CSMD3: variants seen among roughly 807,000 people sequenced by gnomAD.
CSMD3 encodes CUB and Sushi multiple domains 3.
CSMD3 carries 177 observed loss-of-function variants against 435.2 expected under a neutral mutation model. The observed-to-expected ratio is 0.41, with a 90% confidence interval of 0.36 to 0.46. The LOEUF (loss-of-function observed/expected upper bound fraction) is 0.46. Among genes scored for constraint, CSMD3 ranks in the 20% least tolerant of loss-of-function variants. CSMD3 has a pLI of 0.34. For missense variants in CSMD3, 4,265 were observed against 4,504.6 expected, an observed-to-expected ratio of 0.95 and a Z score of 1.52; for synonymous variants, 1,656 against 1,520.5, an observed-to-expected ratio of 1.09 and a Z score of -2.07.
At chr8:112,251,548 G>T (rs945997363) in intron 63 of CSMD3, among the ~76,000 whole-genome samples, 1 of 151,136 alleles carries the variant, frequency 6.6e-6, no homozygotes. Context: ...TATCATTTAA[G>T]GTAATAAAAC....
chr8:112,798,165 G>C (rs1223461790), intron 13 of CSMD3, among the ~76,000 whole-genome samples: 1 of 151,866 alleles, frequency 6.6e-6, no homozygotes, highest in Non-Finnish European at 1.5e-5. Flanking sequence ...GAGCGAGAAG[G>C]TGCTAAGTTA....
chr8:113,318,786 A>ATGTGTGTGTGTGTGTG (rs56269027), intron 1 of CSMD3, among the ~76,000 whole-genome samples: 2,801 of 140,062 alleles, frequency 0.02, 37 homozygotes, highest in Middle Eastern at 0.052. Context: ...GCTGAATAAG[A>ATGTGTGTGTGTGTGTG]TGTGTGTGTG....
chr8:112,893,382 A>G (rs1232244072), intron 10 of CSMD3, among the ~76,000 whole-genome samples: 2 of 151,454 alleles, frequency 1.3e-5, no homozygotes, highest in African/African-American at 4.8e-5. Flanking sequence ...ACAGGTTCCA[A>G]TCTCAGAGTT....
In CSMD3 at chr8:113,369,855, G is replaced by T. The variant is rs188851891; in HGVS notation, c.179-55062C>A. Among the ~76,000 whole-genome samples the T allele has an allele frequency of 1.0e-3, 152 of 151,922 alleles. 2 individuals carry two copies. The highest frequency in any genetic ancestry group is 3.4e-3 in the African/African-American group (143 of 41,522). On this transcript the variant is annotated intron_variant, in intron 1 of 70. Coordinates refer to ENST00000297405, the MANE Select transcript of CSMD3 (RefSeq NM_198123.2). Reference sequence around the variant, plus strand: ...TCTCTCACATGTAGAATCAAAAAAAGTTAATCTCATAGAAATAGAGAGTAG... The same window carrying T: ...TCTCTCACATGTAGAATCAAAAAAATTTAATCTCATAGAAATAGAGAGTAG...
At chr8:112,458,583 A>G (rs138681216) in intron 32 of CSMD3, among the ~76,000 whole-genome samples, 1 of 152,256 alleles carries the variant, frequency 6.6e-6, no homozygotes, top group East Asian at 1.9e-4. Context: ...TCCAAGGAGT[A>G]GTTATTTCCA....
At chr8:112,348,755 T>G (rs534711379) in intron 40 of CSMD3, among the ~76,000 whole-genome samples, 1 of 151,992 alleles carries the variant, frequency 6.6e-6, no homozygotes, top group Non-Finnish European at 1.5e-5. Flanking sequence ...AATTATATAA[T>G]AAAACAATTT....
chr8:113,153,101 A>AAAGGAAAG (rs35085690), intron 4 of CSMD3, among the ~76,000 whole-genome samples: 1 of 99,994 alleles, frequency 1.0e-5, no homozygotes, highest in African/African-American at 4.7e-5. Flanking sequence ...AGAAAGAAAG[A>AAAGGAAAG]AAAGAAAGAA....
chr8:113,023,017 T>G (rs577833845), intron 5 of CSMD3, among the ~76,000 whole-genome samples: 1 of 152,048 alleles, frequency 6.6e-6, no homozygotes, highest in African/African-American at 2.4e-5. Flanking sequence ...TTTTAAGAAT[T>G]AGTTAAACAT....
chr8:112,597,774 T>G (rs1218539288), intron 22 of CSMD3, among the ~76,000 whole-genome samples: 1 of 125,714 alleles, frequency 8.0e-6, no homozygotes, highest in East Asian at 2.2e-4. Context: ...AACCACATGA[T>G]TATCTCAATA....
intron 38 of CSMD3, among the ~76,000 whole-genome samples, chr8:112,371,892 A>T (rs969361979): frequency 5.9e-5 from 9 of 152,078 alleles, no homozygotes; most frequent in African/African-American, 2.2e-4. Context: ...TCTGTCTCAA[A>T]AAAAAACCAA....
At chr8:112,525,129 T>A (rs1233495975) in intron 27 of CSMD3, among the ~76,000 whole-genome samples, 1 of 151,728 alleles carries the variant, frequency 6.6e-6, no homozygotes, top group East Asian at 1.9e-4. Context: ...TGAAGAAAAA[T>A]TTCAATTTTA....
At chr8:112,556,599 T>G (rs1232560247) in intron 25 of CSMD3, among the ~76,000 whole-genome samples, 164 bp downstream of exon 25, 1 of 152,008 alleles carries the variant, frequency 6.6e-6, no homozygotes, top group Admixed American at 6.6e-5. Context: ...AAGGACCTTT[T>G]CATTTTCCAT....
chr8:113,302,437 C>G (rs956680728), intron 2 of CSMD3, among the ~76,000 whole-genome samples: 1 of 150,038 alleles, frequency 6.7e-6, no homozygotes, highest in Non-Finnish European at 1.5e-5. Context: ...TTAACAGATA[C>G]AGAGTATATG....
intron 5 of CSMD3, among the ~76,000 whole-genome samples, chr8:113,068,761 T>C (rs912745186): frequency 1.3e-5 from 2 of 152,142 alleles, no homozygotes; most frequent in Admixed American, 6.6e-5. Flanking sequence ...CTGTTGATGT[T>C]CTTGCTATTT....
At chr8:112,997,788 T>C (rs1403926378) in intron 6 of CSMD3, among the ~76,000 whole-genome samples, 1 of 151,204 alleles carries the variant, frequency 6.6e-6, no homozygotes, top group Non-Finnish European at 1.5e-5. Flanking sequence ...TTCAAATCCA[T>C]CTTTTATTAA....
chr8:112,722,339 A>G (rs892727347), intron 13 of CSMD3, among the ~76,000 whole-genome samples: 1 of 152,180 alleles, frequency 6.6e-6, no homozygotes, highest in Non-Finnish European at 1.5e-5. Flanking sequence ...AACTGGGTAT[A>G]TTGAAAATGG....
chr8:112,442,696 C>T (rs191273197), intron 32 of CSMD3, among the ~76,000 whole-genome samples: 2 of 152,290 alleles, frequency 1.3e-5, no homozygotes, highest in East Asian at 1.9e-4. Context: ...TGCAGCCTAA[C>T]GTGTTTCTCT....
In CSMD3 at chr8:113,254,535, G is replaced by C. The variant is rs189952771; in HGVS notation, c.514+24057C>G. Reference sequence around the variant, plus strand: ...TTGCCCATTATGTAAGGCACACATGGTCCAACAAATCTTTGGAATGTATGT... The same window carrying C: ...TTGCCCATTATGTAAGGCACACATGCTCCAACAAATCTTTGGAATGTATGT... On this transcript the variant is annotated intron_variant, in intron 3 of 70. Coordinates refer to ENST00000297405, the MANE Select transcript of CSMD3 (RefSeq NM_198123.2). Among the ~76,000 whole-genome samples, 120 of 152,294 alleles carry C rather than the reference G, an allele frequency of 7.9e-4. 1 individual carries two copies. The East Asian group carries it at 0.02, about 25-fold the overall frequency.
chr8:113,230,159 T>C (rs187537282), intron 3 of CSMD3, among the ~76,000 whole-genome samples: 79 of 151,784 alleles, frequency 5.2e-4, no homozygotes, highest in African/African-American at 1.7e-3. Context: ...ACTAGCAAGA[T>C]TGCTAGTGAA....
Sources: gnomAD v4.1 joint callset for allele counts (sites outside exome capture counted in the v4.1 genomes callset) on GRCh38, gnomAD v4.1.1 for gene constraint, MANE v1.5 for transcripts, NCBI Gene and HGNC (gene_info 2026-07-23, HGNC 2026-07-21) for gene names.